FTO: variants seen among roughly 807,000 people sequenced by gnomAD.
FTO encodes alpha-ketoglutarate-dependent dioxygenase FTO.
Under a neutral mutation model 63.9 loss-of-function variants are expected in FTO, and 47 were observed. The ratio of observed to expected loss-of-function variants is 0.74; its 90% CI spans 0.58 to 0.94. The LOEUF (loss-of-function observed/expected upper bound fraction) is 0.94, where lower values mean the gene tolerates loss of function less well. FTO is among the 40% of genes least tolerant of loss of function. FTO has a pLI of 0.00. For missense variants in FTO, 562 were observed against 618.1 expected (o/e 0.91, Z 0.96); for synonymous variants, 207 against 224.4 (o/e 0.92, Z 0.69).
At chr16:54,015,681 G>T (rs1281061723) in intron 8 of FTO, among the ~76,000 whole-genome samples, 2 of 152,172 alleles carry the variant, frequency 1.3e-5, no homozygotes, top group Admixed American at 1.3e-4. Flanking sequence ...CTTACCATAT[G>T]CCAAATACCG....
intron 4 of FTO, among the ~76,000 whole-genome samples, chr16:53,870,452 C>T (rs935754310): frequency 6.6e-6 from 1 of 152,196 alleles, no homozygotes; most frequent in African/African-American, 2.4e-5. Context: ...TATCCTGGAA[C>T]TGGTTCCCAT....
intron 1 of FTO, among the ~76,000 whole-genome samples, chr16:53,767,848 CTG>C (rs1232487200): frequency 2.6e-5 from 4 of 152,152 alleles, no homozygotes; most frequent in African/African-American, 4.8e-5. Context: ...CTAAAAATAA[CTG>C]TTTCATATAA....
At chr16:53,880,931 C>T (rs1331893472) in intron 6 of FTO, among the ~76,000 whole-genome samples, 1 of 113,442 alleles carries the variant, frequency 8.8e-6, no homozygotes, top group Admixed American at 1.1e-4. Context: ...GAAACCCCGT[C>T]TCTACTAAAA....
At chr16:53,862,896 G>A (rs1431271154) in intron 4 of FTO, among the ~76,000 whole-genome samples, 1 of 152,032 alleles carries the variant, frequency 6.6e-6, no homozygotes, top group Non-Finnish European at 1.5e-5. Flanking sequence ...GGATCTCCAG[G>A]ATCTGTTCCT....
intron 4 of FTO, among the ~76,000 whole-genome samples, chr16:53,864,865 T>C (rs1343276160): frequency 1.3e-5 from 2 of 152,204 alleles, no homozygotes; most frequent in Non-Finnish European, 2.9e-5. Context: ...AATTACAAGT[T>C]TCTTTTTTTA....
chr16:53,725,403 G>A (rs2076130481), intron 1 of FTO, among the ~76,000 whole-genome samples: 1 of 152,162 alleles, frequency 6.6e-6, no homozygotes, highest in African/African-American at 2.4e-5. Flanking sequence ...ATTGTGAACG[G>A]CATTATTTGG....
At chr16:54,063,444 C>T (rs575540752) in intron 8 of FTO, among the ~76,000 whole-genome samples, 2 of 152,300 alleles carry the variant, frequency 1.3e-5, no homozygotes, top group Admixed American at 6.5e-5. Flanking sequence ...GGCTTGAGAT[C>T]CGAACAGCGC....
chr16:54,115,620 G>A lies in FTO; in HGVS notation c.*3705G>A, dbSNP rs1588413. 0.15 allele frequency: 22,546 copies of A among 151,962 alleles called. 1,999 individuals are homozygous for A. The highest frequency in any genetic ancestry group is 0.29 in the East Asian group (1,463 of 5,050). 9.4% of individuals were successfully genotyped at this position (151,962 alleles called of 1,614,324 possible). A position where few individuals can be genotyped will look rare whatever the true frequency, so the allele number is the denominator to read the frequency against. On this transcript the variant is annotated 3_prime_UTR_variant, in exon 9 of 9. Coordinates refer to ENST00000471389, the MANE Select transcript of FTO (RefSeq NM_001080432.3). The stretch of plus-strand genomic sequence containing the variant: ...AGGCAGGAGAGCCTTGGGAGGGGGT[G>A]CCCAAGGAAGGAAAAGGGCCCTGAG...
At chr16:53,824,225 T>G (rs185891538) in intron 2 of FTO, among the ~76,000 whole-genome samples, 18 of 152,338 alleles carry the variant, frequency 1.2e-4, no homozygotes, top group African/African-American at 4.3e-4. Context: ...TGATCTGGCC[T>G]CCGCCTTCCT....
At chr16:54,009,652 C>A (rs1179766294) in intron 8 of FTO, among the ~76,000 whole-genome samples, 2 of 152,114 alleles carry the variant, frequency 1.3e-5, no homozygotes, top group Non-Finnish European at 2.9e-5. Flanking sequence ...AGCCTCTGTC[C>A]GCCAGGCTTC....
In FTO at chr16:53,979,882, G is replaced by A. The variant is rs114604895; in HGVS notation, c.1364+45773G>A. Among the ~76,000 whole-genome samples the A allele has an allele frequency of 8.4e-3, 1,283 of 152,202 alleles. 16 individuals carry two copies. Among genetic ancestry groups the A allele is most frequent in the African/African-American group, 0.028 (1,169 of 41,514 alleles). Reference sequence around the variant, plus strand: ...CTTGGGTGCTTGCACCCTTCCAGAGGGCTGTTACTTTGCCCCCTCTCTGGA... The same window carrying A: ...CTTGGGTGCTTGCACCCTTCCAGAGAGCTGTTACTTTGCCCCCTCTCTGGA... On this transcript the variant is annotated intron_variant, in intron 8 of 8. Coordinates refer to ENST00000471389, the MANE Select transcript of FTO (RefSeq NM_001080432.3).
chr16:53,716,823 ACTCTT>A (rs1376818003), intron 1 of FTO, among the ~76,000 whole-genome samples: 5 of 151,142 alleles, frequency 3.3e-5, no homozygotes, highest in Admixed American at 3.3e-4. Flanking sequence ...AAAGTCTCAT[ACTCTT>A]CAGAGATAAA....
At chr16:53,810,373 C>T (rs961174882) in intron 2 of FTO, among the ~76,000 whole-genome samples, 156 bp downstream of exon 2, 4 of 152,198 alleles carry the variant, frequency 2.6e-5, no homozygotes, top group African/African-American at 9.7e-5. Context: ...ATGTACATTT[C>T]TTCAGAATCG....
At chr16:53,714,953 C>T (rs888734473) in intron 1 of FTO, among the ~76,000 whole-genome samples, 2 of 152,102 alleles carry the variant, frequency 1.3e-5, no homozygotes, top group Admixed American at 6.6e-5. Context: ...AACGAAGACA[C>T]GCACACTTTA....
At chr16:53,877,395 C>T (rs1008441195) in intron 5 of FTO, among the ~76,000 whole-genome samples, 5 of 152,178 alleles carry the variant, frequency 3.3e-5, no homozygotes, top group African/African-American at 1.2e-4. Flanking sequence ...CATGCTACAA[C>T]ATGAATAACT....
chr16:53,726,697 T>G (rs911874803), intron 1 of FTO, among the ~76,000 whole-genome samples: 4 of 152,146 alleles, frequency 2.6e-5, no homozygotes, highest in South Asian at 2.1e-4. Flanking sequence ...ATGAGAACAT[T>G]TTGCATGTTC....
chr16:54,076,893 G>A (rs943524961), intron 8 of FTO, among the ~76,000 whole-genome samples: 14 of 152,138 alleles, frequency 9.2e-5, no homozygotes, highest in Non-Finnish European at 1.6e-4. Flanking sequence ...TTTCCCAAAC[G>A]ATGAGGCATA....
At chr16:53,915,416 G>T (rs1178395492) in intron 7 of FTO, among the ~76,000 whole-genome samples, 1 of 152,208 alleles carries the variant, frequency 6.6e-6, no homozygotes, top group East Asian at 1.9e-4. Context: ...AAAGGTCTCA[G>T]TATATGAAGA....
intron 4 of FTO, among the ~76,000 whole-genome samples, chr16:53,859,282 ACCT>A (rs2151850342): frequency 1.3e-5 from 2 of 151,974 alleles, no homozygotes; most frequent in East Asian, 3.9e-4. Flanking sequence ...ATGTCTTCTG[ACCT>A]CCTTCTTTAC....
Sources: allele counts gnomAD v4.1 joint callset (sites outside exome capture counted in the v4.1 genomes callset), GRCh38; gene constraint gnomAD v4.1.1; transcripts MANE v1.5; gene names NCBI Gene and HGNC (gene_info 2026-07-23, HGNC 2026-07-21).